Variants in CADPS2 observed in about 807,000 individuals in gnomAD.
The protein encoded by CADPS2 is calcium dependent secretion activator 2.
CADPS2 carries 93 observed loss-of-function variants against 172.5 expected under a neutral mutation model. The ratio of observed to expected loss-of-function variants is 0.54; its 90% CI spans 0.46 to 0.64. CADPS2 has a LOEUF of 0.64. Among genes scored for constraint, CADPS2 ranks in the 30% least tolerant of loss-of-function variants. CADPS2 has a pLI of 0.00. For synonymous variants in CADPS2, 546 were observed against 555.2 expected (o/e 0.98, Z 0.23); for missense variants, 1,420 against 1,565.9 (o/e 0.91, Z 1.57).
intron 3 of CADPS2, among the ~76,000 whole-genome samples, chr7:122,631,444 A>G (rs562239782): frequency 6.6e-6 from 1 of 152,080 alleles, no homozygotes; most frequent in South Asian, 2.1e-4. Context: ...TTACAACTAC[A>G]TATTTTTTCT....
intron 28 of CADPS2, among the ~76,000 whole-genome samples, chr7:122,344,195 C>T (rs1358385746): frequency 6.6e-6 from 1 of 152,082 alleles, no homozygotes; most frequent in Non-Finnish European, 1.5e-5. Context: ...ATTGCTGTTA[C>T]GAAAACATTT....
chr7:122,636,019 CAACA>C (rs1355847641), intron 3 of CADPS2, among the ~76,000 whole-genome samples: 1 of 152,166 alleles, frequency 6.6e-6, no homozygotes, highest in African/African-American at 2.4e-5. Context: ...CTCTTGAAGA[CAACA>C]GACAGTTGGT....
At chr7:122,583,096 C>A (rs965392110) in intron 6 of CADPS2, among the ~76,000 whole-genome samples, 5 of 151,374 alleles carry the variant, frequency 3.3e-5, no homozygotes, top group Non-Finnish European at 4.4e-5. Flanking sequence ...AAAAAAAAAA[C>A]TGCTCACTCA....
At chr7:122,711,842 G>A (rs559623644) in intron 2 of CADPS2, among the ~76,000 whole-genome samples, 19 of 151,632 alleles carry the variant, frequency 1.3e-4, no homozygotes, top group South Asian at 4.2e-4. Context: ...TAGTAGAGAC[G>A]GGGTTTCACC....
chr7:122,822,496 C>G (rs1174608541), intron 1 of CADPS2, among the ~76,000 whole-genome samples: 3 of 151,622 alleles, frequency 2.0e-5, no homozygotes, highest in African/African-American at 7.3e-5. Flanking sequence ...TTCGCCACCC[C>G]AACACTTCAA....
At chr7:122,812,534 C>T (rs927367953) in intron 1 of CADPS2, among the ~76,000 whole-genome samples, 3 of 152,010 alleles carry the variant, frequency 2.0e-5, no homozygotes, top group Admixed American at 6.5e-5. Context: ...ACTGTAGGAT[C>T]GAACAGAATT....
At chr7:122,405,066 AGT>A in intron 20 of CADPS2, among the ~76,000 whole-genome samples, 1 of 152,260 alleles carries the variant, frequency 6.6e-6, no homozygotes, top group Non-Finnish European at 1.5e-5. Context: ...TGGGCAACAG[AGT>A]GAGACTGCAT....
intron 20 of CADPS2, 147 bp downstream of exon 20, chr7:122,407,393 G>T: frequency 1.2e-6 from 1 of 829,450 alleles, no homozygotes; most frequent in Non-Finnish European, 1.8e-6. Flanking sequence ...TCTCTGGCCT[G>T]ACATAATCGG....
chr7:122,354,895 A>G (rs1214915369), intron 27 of CADPS2, among the ~76,000 whole-genome samples: 1 of 152,222 alleles, frequency 6.6e-6, no homozygotes, highest in African/African-American at 2.4e-5. Context: ...AGAGCAATCT[A>G]TCAAACTATA....
chr7:122,389,152 T>A (rs183094805), intron 22 of CADPS2, among the ~76,000 whole-genome samples: 1 of 152,228 alleles, frequency 6.6e-6, no homozygotes, highest in African/African-American at 2.4e-5. Flanking sequence ...TTCATGCATA[T>A]GTGCCTCTGT....
At chr7:122,480,242 A>T in intron 12 of CADPS2, 1 of 358,518 alleles carries the variant, frequency 2.8e-6, no homozygotes, top group Non-Finnish European at 5.9e-6. Context: ...CTATAAATAC[A>T]TATTAGTAAT....
intron 1 of CADPS2, among the ~76,000 whole-genome samples, chr7:122,757,753 G>A (rs1158294837): frequency 1.3e-5 from 2 of 151,120 alleles, no homozygotes; most frequent in Admixed American, 6.6e-5. Context: ...AAAGAAAAAC[G>A]GTAATTTTAT....
intron 14 of CADPS2, among the ~76,000 whole-genome samples, chr7:122,454,697 C>T (rs1489162297): frequency 6.6e-6 from 1 of 152,088 alleles, no homozygotes; most frequent in East Asian, 1.9e-4. Context: ...TTACAAAAGC[C>T]TTGAGAGAAA....
chr7:122,335,819 C>A (rs1220692736), intron 28 of CADPS2, among the ~76,000 whole-genome samples: 1 of 152,118 alleles, frequency 6.6e-6, no homozygotes, highest in Non-Finnish European at 1.5e-5. Flanking sequence ...CTGGAGTAGA[C>A]AAGTATGACA....
At chr7:122,785,891 G>GTT (rs1343020153) in intron 1 of CADPS2, among the ~76,000 whole-genome samples, 12 of 152,186 alleles carry the variant, frequency 7.9e-5, no homozygotes, top group African/African-American at 2.9e-4. Flanking sequence ...CAGCACAAGG[G>GTT]TTCCCTGAGA....
At chr7:122,644,940 G>T (rs2078139635) in intron 3 of CADPS2, among the ~76,000 whole-genome samples, 1 of 151,972 alleles carries the variant, frequency 6.6e-6, no homozygotes, top group South Asian at 2.1e-4. Flanking sequence ...GTTTTTCATG[G>T]ATTCTTGTAG....
chr7:122,387,755 C>T (rs1351094792), intron 23 of CADPS2, among the ~76,000 whole-genome samples: 1 of 151,950 alleles, frequency 6.6e-6, no homozygotes, highest in Non-Finnish European at 1.5e-5. Context: ...GCTGAAGTAT[C>T]CTATGAAAAT....
intron 20 of CADPS2, among the ~76,000 whole-genome samples, chr7:122,396,726 T>C (rs1205876379): frequency 6.6e-6 from 1 of 152,200 alleles, no homozygotes; most frequent in Non-Finnish European, 1.5e-5. Context: ...ATTACTGGCT[T>C]CTCTTGTTTA....
intron 15 of CADPS2, among the ~76,000 whole-genome samples, chr7:122,446,834 A>T (rs1264836618): frequency 6.6e-6 from 1 of 152,102 alleles, no homozygotes; most frequent in Non-Finnish European, 1.5e-5. Context: ...TGGCCTGGAA[A>T]TGCTCTTCTG....
Sources: allele counts gnomAD v4.1 joint callset (sites outside exome capture counted in the v4.1 genomes callset), GRCh38; gene constraint gnomAD v4.1.1; transcripts MANE v1.5; gene names NCBI Gene and HGNC (gene_info 2026-07-23, HGNC 2026-07-21).